The following RYR3 variants were observed in gnomAD, a reference collection of about 807,000 sequenced individuals.
The protein encoded by RYR3 is brain ryanodine receptor-calcium release channel.
A neutral mutation model predicts 584.3 loss-of-function variants in RYR3; 207 were observed. That is an observed-to-expected ratio of 0.35 (90% confidence interval 0.32 to 0.40). The LOEUF is 0.40. Among genes scored for constraint, RYR3 ranks in the 10% least tolerant of loss-of-function variants. The pLI is 1.00. For missense variants in RYR3, 5,616 were observed against 6,089.2 expected (o/e 0.92, Z 2.59); for synonymous variants, 2,416 against 2,248.5 (o/e 1.07, Z -2.11).
chr15:33,373,614 T>A (rs1192527829), intron 1 of RYR3, among the ~76,000 whole-genome samples: 2 of 152,250 alleles, frequency 1.3e-5, no homozygotes, highest in African/African-American at 2.4e-5. Flanking sequence ...TTGGAGATTT[T>A]AAAAATTGTT....
chr15:33,691,204 C>T (rs1258320713), intron 38 of RYR3, among the ~76,000 whole-genome samples: 1 of 152,190 alleles, frequency 6.6e-6, no homozygotes, highest in African/African-American at 2.4e-5. Flanking sequence ...ATTCATTGGT[C>T]TATCTTGCAC....
intron 38 of RYR3, among the ~76,000 whole-genome samples, chr15:33,671,277 C>G (rs886450661): frequency 6.6e-6 from 1 of 152,178 alleles, no homozygotes; most frequent in African/African-American, 2.4e-5. Flanking sequence ...GGTACAGATT[C>G]AGCAAATTTA....
At chr15:33,840,909 T>G (rs765723168) in intron 90 of RYR3, 26 bp downstream of exon 90, 1 of 1,606,262 alleles carries the variant, frequency 6.2e-7, no homozygotes, top group South Asian at 1.1e-5. Context: ...CATCAACTAC[T>G]CTCATTGCTA....
chr15:33,854,688 C>T, intron 97 of RYR3, 78 bp from the exon 98 acceptor site: 3 of 1,525,514 alleles, frequency 2.0e-6, no homozygotes, highest in South Asian at 2.6e-5. Context: ...GTGTGTCTCC[C>T]AAAATAAGAA....
intron 1 of RYR3, among the ~76,000 whole-genome samples, chr15:33,465,570 A>G (rs1409645758): frequency 2.6e-5 from 4 of 152,046 alleles, no homozygotes; most frequent in Non-Finnish European, 4.4e-5. Flanking sequence ...CCATAGTAAG[A>G]TAAGAATTCT....
In RYR3 at chr15:33,696,498, G is replaced by GAC; in HGVS notation, c.6134+8_6134+9insCA. Reference sequence around the variant, plus strand: ...TCATGATCAATGGGCTGGGGTAGGTGATTCACGGTTACGTGCTGTTCTCTC... The same window carrying GAC: ...TCATGATCAATGGGCTGGGGTAGGTGACATTCACGGTTACGTGCTGTTCTCTC... On this transcript the variant is annotated splice_region_variant and intron_variant, in intron 39 of 103. Coordinates refer to ENST00000634891, the MANE Select transcript of RYR3 (RefSeq NM_001036.6). 2 of 1,613,782 alleles carry GAC rather than the reference G, an allele frequency of 1.2e-6. No individual in the cohort carries two copies. The highest frequency in any genetic ancestry group is 1.7e-6 in the Non-Finnish European group (2 of 1,179,758).
intron 74 of RYR3, among the ~76,000 whole-genome samples, chr15:33,814,665 G>A (rs990300534): frequency 1.3e-5 from 2 of 152,052 alleles, no homozygotes; most frequent in East Asian, 3.9e-4. Context: ...TTGGGAGGCC[G>A]AGGCAGGCAG....
chr15:33,743,492 TA>T (rs1006820101), intron 52 of RYR3, among the ~76,000 whole-genome samples: 3 of 152,188 alleles, frequency 2.0e-5, no homozygotes, highest in African/African-American at 7.2e-5. Context: ...TTTTATTAAT[TA>T]AAAAAAGGTG....
At chr15:33,597,215 A>G (rs1295283347) in intron 16 of RYR3, among the ~76,000 whole-genome samples, 1 of 152,240 alleles carries the variant, frequency 6.6e-6, no homozygotes, top group Non-Finnish European at 1.5e-5. Flanking sequence ...GGCAGGGATA[A>G]GTATGAAATT....
At chr15:33,657,514 C>T (rs567029121) in intron 32 of RYR3, among the ~76,000 whole-genome samples, 1 of 152,344 alleles carries the variant, frequency 6.6e-6, no homozygotes, top group Admixed American at 6.5e-5. Flanking sequence ...TTTGAGAAAT[C>T]TGGGAGCCAG....
At chr15:33,487,048 A>G (rs942111632) in intron 2 of RYR3, among the ~76,000 whole-genome samples, 3 of 152,090 alleles carry the variant, frequency 2.0e-5, no homozygotes, top group African/African-American at 7.2e-5. Context: ...AAATACAAAA[A>G]TTAGCCAGGT....
chr15:33,702,073 C>A (rs969223797), intron 42 of RYR3, among the ~76,000 whole-genome samples: 16 of 152,168 alleles, frequency 1.1e-4, no homozygotes, highest in African/African-American at 3.9e-4. Context: ...CAAGCCCTTT[C>A]ATTGTTGCCT....
Position 33,660,344 on chromosome 15 carries a change from G to T in RYR3, c.4543G>T (p.Val1515Leu), listed in dbSNP as rs1390877663. 1 of 1,592,586 alleles carries T rather than the reference G, an allele frequency of 6.3e-7. No homozygotes were observed. The highest frequency in any genetic ancestry group is 2.3e-5 in the East Asian group (1 of 43,736). The change falls in exon 34 of 104, where the codon GTG becomes TTG. Residue 1515 changes from valine to leucine, a missense_variant. This residue lies in a region of RYR3 where 753 missense variants were observed against 741.0 expected (regional missense o/e 1.02). Transcript: ENST00000634891. ...NSFLKVETERVSERHGWVVQC... is the reference protein window; with the variant it reads ...NSFLKVETERLSERHGWVVQC... ...CTTCCTGAAGGTGGAGACCGAGCGTGTGAGCGAGCGCCACGGCTGGGTGGT... is the reference window on the plus strand; with the variant it reads ...CTTCCTGAAGGTGGAGACCGAGCGTTTGAGCGAGCGCCACGGCTGGGTGGT...
Position 33,647,471 on chromosome 15 carries a change from G to A in RYR3, c.3978+11G>A. Reference sequence around the variant, plus strand: ...TCTCATACAACAACAGTAAGTAAATGTGCTCAATTATGGTTTTAATTATTT... The same window carrying A: ...TCTCATACAACAACAGTAAGTAAATATGCTCAATTATGGTTTTAATTATTT... On this transcript the variant is annotated intron_variant, in intron 30 of 103. Coordinates refer to ENST00000634891, the MANE Select transcript of RYR3 (RefSeq NM_001036.6). 3 of 1,586,802 alleles carry A rather than the reference G, an allele frequency of 1.9e-6. No homozygotes were observed. Among genetic ancestry groups the A allele is most frequent in the South Asian group, 1.1e-5 (1 of 90,348 alleles).
At chr15:33,569,653 T>C (rs961058603) in intron 12 of RYR3, among the ~76,000 whole-genome samples, 3 of 152,222 alleles carry the variant, frequency 2.0e-5, no homozygotes. Context: ...TGTTTCACTT[T>C]TTAAGAAACT....
intron 1 of RYR3, among the ~76,000 whole-genome samples, chr15:33,457,245 G>A (rs1296196505): frequency 1.3e-5 from 2 of 152,174 alleles, no homozygotes; most frequent in Non-Finnish European, 2.9e-5. Context: ...GTGTTATTGT[G>A]GGGAGAGAGA....
chr15:33,550,375 C>T, intron 10 of RYR3, 59 bp downstream of exon 10: 5 of 1,504,354 alleles, frequency 3.3e-6, no homozygotes, highest in Non-Finnish European at 3.6e-6. Context: ...CAGAAACCTC[C>T]AGGCAGAACT....
intron 58 of RYR3, 37 bp from the exon 59 acceptor site, chr15:33,756,269 A>C: frequency 4.8e-6 from 7 of 1,465,084 alleles, no homozygotes; most frequent in Non-Finnish European, 6.6e-6. Context: ...TTTACTTCGT[A>C]ACTCTGGCCA....
intron 1 of RYR3, among the ~76,000 whole-genome samples, chr15:33,429,284 C>CATGTTTTCAGCTG (rs2044917467): frequency 6.6e-6 from 1 of 152,130 alleles, no homozygotes; most frequent in Non-Finnish European, 1.5e-5. Context: ...AGCAAGGGAA[C>CATGTTTTCAGCTG]ATGTTTTCAG....
Sources: gnomAD v4.1 joint callset for allele counts (sites outside exome capture counted in the v4.1 genomes callset) on GRCh38, gnomAD v4.1.1 for gene constraint, gnomAD v4.1.1 regional missense constraint, MANE v1.5 for transcripts, NCBI Gene and HGNC (gene_info 2026-07-23, HGNC 2026-07-21) for gene names.